Variants in ST8SIA2 observed in about 807,000 individuals in gnomAD.
ST8SIA2 encodes the protein ST8 alpha-N-acetyl-neuraminide alpha-2,8-sialyltransferase 2, also known as alpha-2,8-sialyltransferase 8B.
Under a neutral mutation model 37.6 loss-of-function variants are expected in ST8SIA2, and 22 were observed. The ratio of observed to expected loss-of-function variants is 0.58; its 90% CI spans 0.42 to 0.83. ST8SIA2 has a LOEUF of 0.83. Among genes scored for constraint, ST8SIA2 ranks in the 40% least tolerant of loss-of-function variants. The pLI is 0.00. For missense variants in ST8SIA2, 382 were observed against 484.7 expected (o/e 0.79, Z 1.99); for synonymous variants, 205 against 201.2 (o/e 1.02, Z -0.16).
In ST8SIA2 at chr15:92,444,826, G is replaced by A; in HGVS notation, c.739G>A (p.Gly247Ser). The change falls in exon 5 of 6, where the codon GGC (glycine) becomes AGC (serine). Residue 247 changes from glycine to serine, a missense_variant. Physicochemically the swap from Gly to Ser is moderately conservative, Grantham distance 56 (BLOSUM62 0). Coordinates refer to ENST00000268164, the MANE Select transcript of ST8SIA2 (RefSeq NM_006011.4). ...ILWIPAFMAR[G>S]GKERVEWVNE... ...GTGGATCCCTGCCTTCATGGCCCGG[G>A]GCGGCAAGGAGCGTGTTGAGTGGGT... 1 of 1,614,076 alleles carries A rather than the reference G, an allele frequency of 6.2e-7. No homozygotes were observed. Among genetic ancestry groups the A allele is most frequent in the Non-Finnish European group, 8.5e-7 (1 of 1,180,038 alleles).
At chr15:92,429,942 C>T (rs867127325) in intron 1 of ST8SIA2, 107 bp from the exon 2 acceptor site, 2 of 1,225,632 alleles carry the variant, frequency 1.6e-6, no homozygotes, top group Middle Eastern at 3.9e-4. Flanking sequence ...GAGGTCTCTT[C>T]CACCCTCTGT....
At chr15:92,411,703 G>A (rs1040738888) in intron 1 of ST8SIA2, among the ~76,000 whole-genome samples, 1 of 152,162 alleles carries the variant, frequency 6.6e-6, no homozygotes, top group Non-Finnish European at 1.5e-5. Context: ...GAGATAGGAA[G>A]TGACTTGTCC....
At position 92,448,289 on chromosome 15, in the gene ST8SIA2, G is replaced by A. The variant is rs117753363; in HGVS notation, c.842+3360G>A. ...ATTCTGCCAATGATCCTCTCCCTCC[G>A]TGGGGCCATTGGACTCTGCAGGGTG... On this transcript the variant is annotated intron_variant, in intron 5 of 5. Transcript: ENST00000268164. Among the ~76,000 whole-genome samples the A allele has an allele frequency of 7.5e-3, 1,141 of 152,308 alleles. 46 individuals are homozygous for A. The highest frequency in any genetic ancestry group is 0.056 in the Admixed American group (852 of 15,296).
At chr15:92,430,846 G>A (rs1248853233) in intron 2 of ST8SIA2, among the ~76,000 whole-genome samples, 1 of 152,182 alleles carries the variant, frequency 6.6e-6, no homozygotes, top group African/African-American at 2.4e-5. Flanking sequence ...CAAAATCAGG[G>A]CCTTGTTTTT....
chr15:92,427,626 T>A (rs2049686481), intron 1 of ST8SIA2, among the ~76,000 whole-genome samples: 1 of 152,230 alleles, frequency 6.6e-6, no homozygotes, highest in Non-Finnish European at 1.5e-5. Flanking sequence ...AAAGATTTGA[T>A]GAATATCCTC....
chr15:92,426,697 G>A (rs956769849), intron 1 of ST8SIA2, among the ~76,000 whole-genome samples: 1 of 152,220 alleles, frequency 6.6e-6, no homozygotes, highest in Non-Finnish European at 1.5e-5. Context: ...GAAGAAATAA[G>A]TTCTAGAGGT....
At chr15:92,432,541 C>G (rs1055464793) in intron 2 of ST8SIA2, among the ~76,000 whole-genome samples, 2 of 152,160 alleles carry the variant, frequency 1.3e-5, no homozygotes, top group African/African-American at 4.8e-5. Context: ...AGTCACACAG[C>G]TTATGAAATC....
chr15:92,465,896 T>G lies in ST8SIA2; in HGVS notation c.*1511T>G, dbSNP rs182121655. On this transcript the variant is annotated 3_prime_UTR_variant, in exon 6 of 6. Transcript: ENST00000268164. ...ACATAGAGAAATAGCCAGCTTGAAT[T>G]TGTTAGTCGTATTCCTTCACCTGAT... 3 of 152,270 alleles carry G rather than the reference T, an allele frequency of 2.0e-5. No individual in the cohort carries two copies. The highest frequency in any genetic ancestry group is 7.2e-5 in the African/African-American group (3 of 41,540). The allele number at this position is 152,270 out of a possible 1,614,324, so 9.4% of individuals were successfully genotyped here. A position where few individuals can be genotyped will look rare whatever the true frequency, so the allele number is the denominator to read the frequency against.
At position 92,394,121 on chromosome 15, in the gene ST8SIA2, C is replaced by A. The variant is rs867444972; in HGVS notation, c.57C>A (p.Phe19Leu). Residue 19 changes from phenylalanine (F) to leucine (L), a missense_variant, in exon 1 of 6, where the codon TTC becomes TTA. Coordinates refer to ENST00000268164, the MANE Select transcript of ST8SIA2 (RefSeq NM_006011.4). ...MLAALTLLVV[F>L]LIFADISEIE... ...CCGCGCTCACGCTGCTCGTGGTCTT[C>A]CTCATCTTCGCAGACATCTCAGAGA... 6.4e-7 allele frequency: 1 copy of A among 1,560,902 alleles called. No individual in the cohort carries two copies. Among genetic ancestry groups the A allele is most frequent in the African/African-American group, 1.4e-5 (1 of 73,938 alleles).
intron 1 of ST8SIA2, among the ~76,000 whole-genome samples, chr15:92,410,500 T>C (rs4777976): frequency 0.7 from 106,214 of 151,966 alleles, 38,589 homozygotes; most frequent in African/African-American, 0.88. Context: ...AGGACCGTTG[T>C]GTCACAGCAG....
intron 5 of ST8SIA2, among the ~76,000 whole-genome samples, chr15:92,457,196 A>G (rs1202410455): frequency 1.3e-5 from 2 of 152,122 alleles, no homozygotes; most frequent in Non-Finnish European, 2.9e-5. Context: ...TCCCTTGATG[A>G]CCACCTGTGA....
intron 1 of ST8SIA2, among the ~76,000 whole-genome samples, chr15:92,419,869 CTTTG>C (rs1216708240): frequency 2.0e-5 from 3 of 151,986 alleles, no homozygotes; most frequent in Admixed American, 1.3e-4. Context: ...TTTGTTGTTG[CTTTG>C]TTTGTTTCTT....
At chr15:92,459,762 C>T (rs1397927161) in intron 5 of ST8SIA2, among the ~76,000 whole-genome samples, 1 of 152,204 alleles carries the variant, frequency 6.6e-6, no homozygotes, top group African/African-American at 2.4e-5. Flanking sequence ...CCACGCCCAA[C>T]TAATTTTTGT....
intron 1 of ST8SIA2, 102 bp from the exon 2 acceptor site, chr15:92,429,947 C>G: frequency 7.9e-7 from 1 of 1,272,806 alleles, no homozygotes; most frequent in South Asian, 1.2e-5. Flanking sequence ...CTCTTCCACC[C>G]TCTGTAGTTT....
intron 1 of ST8SIA2, among the ~76,000 whole-genome samples, chr15:92,418,847 A>G (rs2049609175): frequency 1.3e-5 from 2 of 152,314 alleles, no homozygotes; most frequent in South Asian, 4.1e-4. Flanking sequence ...GAGGAATTTT[A>G]TGCCATTTTA....
chr15:92,405,616 AT>A (rs2049503039), intron 1 of ST8SIA2, among the ~76,000 whole-genome samples: 1 of 152,226 alleles, frequency 6.6e-6, no homozygotes, highest in Non-Finnish European at 1.5e-5. Context: ...CAATGTGGGT[AT>A]TACTTAATTT....
Position 92,426,922 on chromosome 15 carries a change from C to T in ST8SIA2, c.99-3127C>T, listed in dbSNP as rs552478038. On this transcript the variant is annotated intron_variant, in intron 1 of 5. Coordinates refer to ENST00000268164, the MANE Select transcript of ST8SIA2 (RefSeq NM_006011.4). ...CAACCTGGCCAACATGGTGAAACCC[C>T]ATCTCTACTAAAAATACAAAAATTA... Among the ~76,000 whole-genome samples, 4 of 152,210 alleles carry T rather than the reference C, an allele frequency of 2.6e-5. No homozygotes were observed. In the East Asian group the frequency reaches 5.8e-4, roughly 22 times the overall value.
rs1166814323 is a variant in ST8SIA2, at chr15:92,465,688, A to G, written c.*1303A>G. Reference sequence around the variant, plus strand: ...TCCAATGTCCACCCCACCCCCAGGTACCCGCCTCTTCCCACAGAAGCAATT... The same window carrying G: ...TCCAATGTCCACCCCACCCCCAGGTGCCCGCCTCTTCCCACAGAAGCAATT... On this transcript the variant is annotated 3_prime_UTR_variant, in exon 6 of 6. Transcript: ENST00000268164. 1.3e-5 allele frequency: 2 copies of G among 151,990 alleles called. No homozygotes were observed. The highest frequency in any genetic ancestry group is 2.9e-5 in the Non-Finnish European group (2 of 67,966). 9.4% of individuals were successfully genotyped at this position (151,990 alleles called of 1,614,324 possible).
intron 1 of ST8SIA2, 57 bp downstream of exon 1, chr15:92,394,219 C>T: frequency 7.2e-7 from 1 of 1,396,496 alleles, no homozygotes; most frequent in Non-Finnish European, 9.9e-7. Flanking sequence ...CTCCCTCCTT[C>T]TGTACTCTCC....
Sources: allele counts gnomAD v4.1 joint callset (sites outside exome capture counted in the v4.1 genomes callset), GRCh38; gene constraint gnomAD v4.1.1; transcripts MANE v1.5; gene names NCBI Gene and HGNC (gene_info 2026-07-23, HGNC 2026-07-21).